Variants in ZNF676 observed in about 807,000 individuals in gnomAD.
ZNF676 encodes zinc finger protein 676.
Under a neutral mutation model 6.0 loss-of-function variants are expected in ZNF676, and 4 were observed. The ratio of observed to expected loss-of-function variants is 0.67; its 90% CI spans 0.33 to 1.53. The LOEUF (loss-of-function observed/expected upper bound fraction) is 1.53, where lower values mean the gene tolerates loss of function less well. Ranked by LOEUF, ZNF676 falls within the 40% of genes most tolerant of loss-of-function variation. The pLI is 0.06. For synonymous variants in ZNF676, 198 were observed against 223.1 expected, an observed-to-expected ratio of 0.89 and a Z score of 1.00; for missense variants, 644 against 679.7, an observed-to-expected ratio of 0.95 and a Z score of 0.58.
chr19:22,225,567 A>G, the ZNF676 span, among the ~76,000 whole-genome samples: 1 of 152,170 alleles, frequency 6.6e-6, no homozygotes, highest in African/African-American at 2.4e-5. Context: ...TTTTCCACCA[A>G]CAATCAGCAT....
the ZNF676 span, among the ~76,000 whole-genome samples, chr19:22,246,175 A>C: frequency 1.3e-5 from 2 of 152,170 alleles, no homozygotes; most frequent in African/African-American, 4.8e-5. Flanking sequence ...GTGATTAAAA[A>C]AAGAAAAAAA....
the ZNF676 span, among the ~76,000 whole-genome samples, chr19:22,224,630 G>C: frequency 2.0e-5 from 3 of 152,040 alleles, no homozygotes; most frequent in Non-Finnish European, 4.4e-5. Flanking sequence ...TCTTCATTTA[G>C]TTTTTCTTCT....
chr19:22,181,198 T>G lies in ZNF676; in HGVS notation c.519A>C (p.Glu173Asp). ...AGGACCAGTTAAAAGCTTTGCCATT[T>G]TCTTCACATTTGTAGGAATTCTCTC... ...YTRENSYKCE[E>D]NGKAFNWSST... The change falls in exon 3 of 3, where the codon GAA becomes GAC. Residue 173 changes from glutamate to aspartate, a missense_variant. This residue lies in a region of ZNF676 where 280 missense variants were observed against 269.3 expected (regional missense o/e 1.04). Transcript: ENST00000397121. 6.2e-7 allele frequency: 1 copy of G among 1,614,006 alleles called. No homozygotes were observed.
the ZNF676 span, among the ~76,000 whole-genome samples, chr19:22,235,864 A>G: frequency 6.6e-6 from 1 of 151,916 alleles, no homozygotes; most frequent in East Asian, 1.9e-4. Flanking sequence ...GGACAGGAAC[A>G]GAGAAAAGGG....
the ZNF676 span, among the ~76,000 whole-genome samples, chr19:22,231,381 T>C: frequency 3.3e-4 from 50 of 151,986 alleles, no homozygotes; most frequent in Admixed American, 2.0e-3. Flanking sequence ...CAGAAAGTTA[T>C]TTAAACATGT....
the ZNF676 span, chr19:22,243,703 C>G: frequency 1.3e-5 from 2 of 149,900 alleles, no homozygotes; most frequent in African/African-American, 5.1e-5. Context: ...TGGCAAGGTC[C>G]AGATTACAGA....
chr19:22,247,642 A>G, the ZNF676 span, among the ~76,000 whole-genome samples: 1 of 151,216 alleles, frequency 6.6e-6, no homozygotes, highest in South Asian at 2.1e-4. Context: ...GAGGCAGGCC[A>G]GGCACGGTGG....
At chr19:22,244,160 C>T in the ZNF676 span, 1 of 151,916 alleles carries the variant, frequency 6.6e-6, no homozygotes, top group African/African-American at 2.4e-5. Flanking sequence ...TCTCCCACCT[C>T]AGCCTCTTGA....
chr19:22,210,083 A>G (rs1383345241), intron 1 of ZNF676, among the ~76,000 whole-genome samples: 1 of 152,068 alleles, frequency 6.6e-6, no homozygotes, highest in Non-Finnish European at 1.5e-5. Context: ...CTGGGAGGAG[A>G]CCTGGAATCA....
At chr19:22,247,346 C>T in the ZNF676 span, among the ~76,000 whole-genome samples, 1 of 150,000 alleles carries the variant, frequency 6.7e-6, no homozygotes, top group Non-Finnish European at 1.5e-5. Context: ...GGTGGATTAC[C>T]TGACGTCAGA....
chr19:22,255,098 T>G, the ZNF676 span, among the ~76,000 whole-genome samples: 1 of 152,176 alleles, frequency 6.6e-6, no homozygotes, highest in African/African-American at 2.4e-5. Flanking sequence ...ATCTGTGTAT[T>G]AAATCCTCAA....
chr19:22,187,069 T>C (rs1423755207), intron 2 of ZNF676, among the ~76,000 whole-genome samples: 1 of 152,148 alleles, frequency 6.6e-6, no homozygotes, highest in Admixed American at 6.5e-5. Flanking sequence ...GAATATACAT[T>C]CTTCTCAGCA....
At chr19:22,219,664 T>G (rs1210301185), upstream of ZNF676, among the ~76,000 whole-genome samples, 12 of 151,940 alleles carry the variant, frequency 7.9e-5, no homozygotes, top group Non-Finnish European at 1.5e-5. Flanking sequence ...GATAGATTTT[T>G]TTTTTTTCTC....
upstream of ZNF676, among the ~76,000 whole-genome samples, chr19:22,219,232 G>C (rs747480128): frequency 4.6e-5 from 7 of 151,806 alleles, no homozygotes; most frequent in Non-Finnish European, 1.0e-4. Flanking sequence ...CCTTGTAGCT[G>C]GGATTACAGC....
At chr19:22,188,182 T>C (rs763519585) in intron 2 of ZNF676, among the ~76,000 whole-genome samples, 1 of 152,076 alleles carries the variant, frequency 6.6e-6, no homozygotes, top group African/African-American at 2.4e-5. Flanking sequence ...GTTGGCTTCA[T>C]CCCTGGAATG....
chr19:22,211,852 T>TC (rs1215743606), intron 1 of ZNF676, among the ~76,000 whole-genome samples: 2 of 152,152 alleles, frequency 1.3e-5, no homozygotes, highest in Non-Finnish European at 2.9e-5. Flanking sequence ...CTTATTTTTT[T>TC]CCCAAACATT....
the ZNF676 span, among the ~76,000 whole-genome samples, chr19:22,251,174 T>C: frequency 4.9e-4 from 74 of 152,362 alleles, no homozygotes; most frequent in African/African-American, 1.6e-3. Context: ...CATAGTTATA[T>C]CAAAGCCAAT....
chr19:22,230,387 T>G, the ZNF676 span, among the ~76,000 whole-genome samples: 1 of 151,466 alleles, frequency 6.6e-6, no homozygotes. Context: ...TTAGAAGAAA[T>G]ACCTAATGTA....
chr19:22,259,289 T>A, the ZNF676 span, among the ~76,000 whole-genome samples: 1 of 151,788 alleles, frequency 6.6e-6, no homozygotes, highest in African/African-American at 2.4e-5. Context: ...AAGAGAAGAG[T>A]CACATAACCT....
Sources: allele counts gnomAD v4.1 joint callset (sites outside exome capture counted in the v4.1 genomes callset), GRCh38; gene constraint gnomAD v4.1.1; regional missense constraint gnomAD v4.1.1; transcripts MANE v1.5; gene names NCBI Gene and HGNC (gene_info 2026-07-23, HGNC 2026-07-21).